TMEM50B: variants seen among roughly 807,000 people sequenced by gnomAD.
The protein encoded by TMEM50B is HCV p7-trans-regulated protein 3.
A neutral mutation model predicts 23.4 loss-of-function variants in TMEM50B; 14 were observed. The observed-to-expected ratio is 0.60, with a 90% CI of 0.39 to 0.93. The LOEUF (loss-of-function observed/expected upper bound fraction) is 0.93. Ranked by LOEUF, TMEM50B falls within the 40% of genes least tolerant of loss-of-function variation. TMEM50B has a pLI of 0.00. For synonymous variants in TMEM50B, 64 were observed against 62.3 expected (o/e 1.03, Z -0.13); for missense variants, 159 against 193.0 (o/e 0.82, Z 1.04).
At chr21:33,466,576 A>T (rs1411508867) in intron 3 of TMEM50B, among the ~76,000 whole-genome samples, 1 of 152,166 alleles carries the variant, frequency 6.6e-6, no homozygotes, top group Non-Finnish European at 1.5e-5. Context: ...CAGAAACGTA[A>T]CATGTTTCAT....
chr21:33,475,160 C>T (rs2084356807), intron 1 of TMEM50B, among the ~76,000 whole-genome samples: 1 of 151,956 alleles, frequency 6.6e-6, no homozygotes, highest in Non-Finnish European at 1.5e-5. Context: ...GCCCAGTCTT[C>T]AGTGATCTGC....
At chr21:33,435,063 G>C (rs373230341) in intron 8 of TMEM50B, among the ~76,000 whole-genome samples, 1 of 152,204 alleles carries the variant, frequency 6.6e-6, no homozygotes, top group African/African-American at 2.4e-5. Flanking sequence ...TCCTCTTTCA[G>C]TCAGTCAGCT....
At chr21:33,437,969 C>T (rs372361241) in intron 8 of TMEM50B, among the ~76,000 whole-genome samples, 7 of 142,740 alleles carry the variant, frequency 4.9e-5, no homozygotes, top group Middle Eastern at 3.7e-3. Flanking sequence ...GGAGGCAGAG[C>T]GAGACCCTAT....
At chr21:33,436,850 C>A in intron 8 of TMEM50B, 1 of 1,614,084 alleles carries the variant, frequency 6.2e-7, no homozygotes, top group Non-Finnish European at 8.5e-7. Flanking sequence ...CCAACTCAGC[C>A]CATCTTAGAG....
At chr21:33,443,435 T>C (rs1051432482) in intron 7 of TMEM50B, among the ~76,000 whole-genome samples, 4 of 125,106 alleles carry the variant, frequency 3.2e-5, no homozygotes, top group African/African-American at 1.2e-4. Flanking sequence ...ACCCCACAGG[T>C]GCTGTTGACC....
At chr21:33,438,136 T>C (rs2083975632) in intron 8 of TMEM50B, among the ~76,000 whole-genome samples, 1 of 151,788 alleles carries the variant, frequency 6.6e-6, no homozygotes, top group African/African-American at 2.4e-5. Context: ...AATAAAAAAT[T>C]AGCTAGTCGT....
At chr21:33,453,396 A>G (rs2084140503) in intron 6 of TMEM50B, among the ~76,000 whole-genome samples, 1 of 151,996 alleles carries the variant, frequency 6.6e-6, no homozygotes, top group Non-Finnish European at 1.5e-5. Flanking sequence ...AGCCGAGATT[A>G]ATTTTAAAAT....
At chr21:33,445,083 CAAAA>C (rs1219767078), downstream of TMEM50B, among the ~76,000 whole-genome samples, 3 of 64,960 alleles carry the variant, frequency 4.6e-5, no homozygotes, top group African/African-American at 4.8e-5. Flanking sequence ...GACCCAGTCT[CAAAA>C]AAAAAAAAAA....
chr21:33,472,029 T>TAA (rs34148632), intron 1 of TMEM50B, among the ~76,000 whole-genome samples: 98 of 117,984 alleles, frequency 8.3e-4, no homozygotes, highest in South Asian at 1.3e-3. Flanking sequence ...GAGACTCCCC[T>TAA]AAAAAAAAAA....
chr21:33,467,053 C>T lies in TMEM50B; in HGVS notation c.169G>A (p.Ala57Thr), dbSNP rs1296735506. Residue 57 changes from alanine (A) to threonine (T), a missense_variant, in exon 3 of 7, where the codon GCC becomes ACC. Physicochemically the swap from Ala to Thr is moderately conservative, Grantham distance 58. Coordinates refer to ENST00000542230, the MANE Select transcript of TMEM50B (RefSeq NM_006134.7). ...VYPKPEQLNH[A>T]FHTCGVFSTL... The stretch of plus-strand genomic sequence containing the variant: ...GAAAATACACCACATGTGTGAAAGG[C>T]ATGGTTCAACTGTTCTGGCTTAGGA... 6.2e-7 allele frequency: 1 copy of T among 1,614,034 alleles called. No individual in the cohort carries two copies. Among genetic ancestry groups the T allele is most frequent in the Non-Finnish European group, 8.5e-7 (1 of 1,180,010 alleles).
chr21:33,465,341 C>T lies in TMEM50B; in HGVS notation c.280+1G>A, dbSNP rs753253570. ...CCATTAACAGCTCAAAGTATCTTTA[C>T]CTGTTCTTCCTAAACAGCCGCTTTC... On this transcript the variant is annotated splice_donor_variant, in intron 4 of 6. Coordinates refer to ENST00000542230, the MANE Select transcript of TMEM50B (RefSeq NM_006134.7). LOFTEE classifies it high-confidence loss of function. 29 of 1,612,014 alleles carry T rather than the reference C, an allele frequency of 1.8e-5. No homozygotes were observed. The Admixed American group carries it at 4.0e-4, about 22-fold the overall frequency.
intron 7 of TMEM50B, among the ~76,000 whole-genome samples, chr21:33,442,826 C>T (rs113134137): frequency 1.3e-5 from 2 of 151,934 alleles, no homozygotes; most frequent in Non-Finnish European, 2.9e-5. Flanking sequence ...TAGGTTAAGG[C>T]ATGAGAATCG....
intron 5 of TMEM50B, among the ~76,000 whole-genome samples, chr21:33,456,383 CAT>C (rs1234834950): frequency 1.3e-5 from 2 of 152,142 alleles, no homozygotes; most frequent in East Asian, 3.8e-4. Context: ...GGAGTTTTAT[CAT>C]GCAAATATGT....
chr21:33,457,378 G>C (rs769554096), intron 5 of TMEM50B, among the ~76,000 whole-genome samples: 2 of 151,954 alleles, frequency 1.3e-5, no homozygotes. Context: ...GGCTGGGAGC[G>C]GTGGTTCATG....
chr21:33,456,167 C>A (rs61195782), intron 5 of TMEM50B: 4 of 466,666 alleles, frequency 8.6e-6, no homozygotes, highest in African/African-American at 8.1e-5. Context: ...AATTTATTTT[C>A]TTTCATGAAT....
chr21:33,476,163 G>C (rs1355087913), intron 1 of TMEM50B, among the ~76,000 whole-genome samples: 1 of 152,192 alleles, frequency 6.6e-6, no homozygotes, highest in East Asian at 1.9e-4. Context: ...GGAGGCCTAG[G>C]TGGGTGGATC....
chr21:33,471,773 T>G (rs1480841777), intron 1 of TMEM50B, among the ~76,000 whole-genome samples: 2 of 152,126 alleles, frequency 1.3e-5, no homozygotes, highest in East Asian at 1.9e-4. Flanking sequence ...CAGTGGCTCA[T>G]GCCTGTAATC....
At chr21:33,469,344 G>A (rs375470129) in intron 1 of TMEM50B, among the ~76,000 whole-genome samples, 15 of 152,252 alleles carry the variant, frequency 9.9e-5, no homozygotes, top group Non-Finnish European at 1.3e-4. Flanking sequence ...ACAGCTACTC[G>A]GGAGGCTGAG....
intron 5 of TMEM50B, among the ~76,000 whole-genome samples, chr21:33,458,234 C>G (rs1211349189): frequency 6.6e-6 from 1 of 152,192 alleles, no homozygotes; most frequent in Non-Finnish European, 1.5e-5. Flanking sequence ...CACTTTCCGG[C>G]TGGGCACAGT....
Sources: gnomAD v4.1 joint callset for allele counts (sites outside exome capture counted in the v4.1 genomes callset) on GRCh38, gnomAD v4.1.1 for gene constraint, MANE v1.5 for transcripts, NCBI Gene and HGNC (gene_info 2026-07-23, HGNC 2026-07-21) for gene names.